LRRC8C: variants seen among roughly 807,000 people sequenced by gnomAD.
LRRC8C encodes volume-regulated anion channel subunit LRRC8C.
A neutral mutation model predicts 55.3 loss-of-function variants in LRRC8C; 20 were observed. The observed-to-expected ratio is 0.36, with a 90% confidence interval of 0.25 to 0.53. The LOEUF (loss-of-function observed/expected upper bound fraction) is 0.53. Among genes scored for constraint, LRRC8C ranks in the 20% least tolerant of loss-of-function variants. The probability of loss-of-function intolerance (pLI) is 0.92; values close to 1 mark genes in which losing one functional copy is unlikely to be tolerated. For missense variants in LRRC8C, 659 were observed against 951.4 expected, an observed-to-expected ratio of 0.69 and a Z score of 4.04; for synonymous variants, 376 against 360.7, an observed-to-expected ratio of 1.04 and a Z score of -0.48.
upstream of LRRC8C, among the ~76,000 whole-genome samples, chr1:89,629,475 C>G (rs190754782): frequency 6.6e-6 from 1 of 152,260 alleles, no homozygotes; most frequent in East Asian, 1.9e-4. Context: ...AAAGAACAAT[C>G]CCAGCATTGA....
At chr1:89,634,486 G>A (rs1167814782) in intron 1 of LRRC8C, among the ~76,000 whole-genome samples, 3 of 152,186 alleles carry the variant, frequency 2.0e-5, no homozygotes, top group African/African-American at 7.2e-5. Context: ...TTTCCCGACA[G>A]GTATGTGATG....
At chr1:89,662,078 C>T (rs1420375061) in intron 1 of LRRC8C, among the ~76,000 whole-genome samples, 1 of 152,132 alleles carries the variant, frequency 6.6e-6, no homozygotes, top group Non-Finnish European at 1.5e-5. Context: ...TTTTGGCCTC[C>T]CTGGGACACA....
rs1557661453 is a variant in LRRC8C at position 89,686,556 on chromosome 1, C to T, written c.83C>T (p.Thr28Ile). ...RVLKPWWDVF[T>I]DYLSVAMLMI... The stretch of plus-strand genomic sequence containing the variant: ...CTGAAGCCATGGTGGGATGTGTTTA[C>T]CGATTACCTCTCAGTAGCCATGCTC... The change falls in exon 2 of 3, where the codon ACC becomes ATC. Residue 28 changes from threonine (T) to isoleucine (I), a missense_variant. Thr to Ile is a moderately conservative substitution (Grantham distance 89). Around this residue, in one of 5 missense-constraint regions of LRRC8C, gnomAD observed 17 missense variants for 38.2 expected, o/e 0.44. Transcript: ENST00000370454. 1.2e-6 allele frequency: 2 copies of T among 1,614,054 alleles called. No individual in the cohort carries two copies. Among genetic ancestry groups the T allele is most frequent in the Non-Finnish European group, 1.7e-6 (2 of 1,180,034 alleles).
At chr1:89,617,716 A>G in the LRRC8C span, among the ~76,000 whole-genome samples, 1 of 152,188 alleles carries the variant, frequency 6.6e-6, no homozygotes, top group East Asian at 1.9e-4. Context: ...CATGAGTCTC[A>G]GGAGGTCCCA....
Position 89,714,340 on chromosome 1 carries a change from T to C in LRRC8C, c.1770T>C (p.Asn590=). The C allele has an allele frequency of 6.2e-7, 1 of 1,614,086 alleles. No individual in the cohort carries two copies. The highest frequency in any genetic ancestry group is 8.5e-7 in the Non-Finnish European group (1 of 1,180,014). Residue 590 remains asparagine (N), a synonymous_variant, in exon 3 of 3, where the codon AAT becomes AAC. Transcript: ENST00000370454. The surrounding 1 kb of genome is among the most constrained non-coding windows in gnomAD (Gnocchi z 4.6). The part of the protein sequence containing the change: ...VMLNNLKKMT[N]LTELELVHCD... ...TCAACAACTTAAAGAAGATGACCAA[T>C]CTGACAGAGCTGGAGCTGGTCCACT...
At chr1:89,673,276 C>G (rs1657470834) in intron 1 of LRRC8C, among the ~76,000 whole-genome samples, 1 of 152,140 alleles carries the variant, frequency 6.6e-6, no homozygotes, top group African/African-American at 2.4e-5. Flanking sequence ...TTTTAATCCT[C>G]CTGATGAAGT....
chr1:89,620,881 GT>G, the LRRC8C span, among the ~76,000 whole-genome samples: 1 of 152,146 alleles, frequency 6.6e-6, no homozygotes, highest in East Asian at 1.9e-4. Context: ...CTTCACAAAA[GT>G]TTTTCAGCAA....
chr1:89,622,719 C>T, the LRRC8C span, among the ~76,000 whole-genome samples: 1 of 152,180 alleles, frequency 6.6e-6, no homozygotes, highest in Non-Finnish European at 1.5e-5. Context: ...TCATTCAAAT[C>T]ACTGCAGCAA....
At chr1:89,653,378 A>G (rs1338468111) in intron 1 of LRRC8C, among the ~76,000 whole-genome samples, 1 of 152,240 alleles carries the variant, frequency 6.6e-6, no homozygotes, top group Non-Finnish European at 1.5e-5. Context: ...AAATGTCTTT[A>G]ATGTCTGGCA....
At position 89,718,070 on chromosome 1, in the gene LRRC8C, T is replaced by G. The variant is rs185067340; in HGVS notation, c.*3088T>G. ...CCAAAGAAGACCACACCTCAGAAAT[T>G]ATTGCATTTTCTCATTATGTGTTGG... On this transcript the variant is annotated 3_prime_UTR_variant, in exon 3 of 3. Coordinates refer to ENST00000370454, the MANE Select transcript of LRRC8C (RefSeq NM_032270.5). 1 of 152,302 alleles carries G rather than the reference T, an allele frequency of 6.6e-6. No homozygotes were observed. The highest frequency in any genetic ancestry group is 2.1e-4 in the South Asian group (1 of 4,830). The allele number at this position is 152,302 out of a possible 1,614,324, so 9.4% of individuals were successfully genotyped here. A position where few individuals can be genotyped will look rare whatever the true frequency, so the allele number is the denominator to read the frequency against.
chr1:89,692,880 T>C lies in LRRC8C; in HGVS notation c.138+6269T>C, dbSNP rs569505400. 4.6e-5 allele frequency among the ~76,000 whole-genome samples: 7 copies of C among 152,298 alleles called. No homozygotes were observed. The South Asian group carries it at 6.2e-4, about 14-fold the overall frequency. ...CACGTTGCTTCCTGGAAAAATAAGATTGCTTTAGATCTCTGCTCAGTGACT... is the reference window on the plus strand; with the variant it reads ...CACGTTGCTTCCTGGAAAAATAAGACTGCTTTAGATCTCTGCTCAGTGACT... On this transcript the variant is annotated intron_variant, in intron 2 of 2. Coordinates refer to ENST00000370454, the MANE Select transcript of LRRC8C (RefSeq NM_032270.5).
chr1:89,662,741 A>G (rs189292625), intron 1 of LRRC8C, among the ~76,000 whole-genome samples: 2 of 152,344 alleles, frequency 1.3e-5, no homozygotes, highest in African/African-American at 4.8e-5. Context: ...GCAAAAGGTT[A>G]ACTGTCTGAC....
chr1:89,678,135 G>A (rs954011756), intron 1 of LRRC8C, among the ~76,000 whole-genome samples: 1 of 152,206 alleles, frequency 6.6e-6, no homozygotes, highest in Admixed American at 6.5e-5. Context: ...TCCTGGCCCT[G>A]TGTGTGGGAT....
At chr1:89,689,182 G>A (rs1657961096) in intron 2 of LRRC8C, among the ~76,000 whole-genome samples, 1 of 152,206 alleles carries the variant, frequency 6.6e-6, no homozygotes, top group Non-Finnish European at 1.5e-5. Flanking sequence ...TTATAAGTCT[G>A]CATGTTAAGG....
At position 89,715,313 on chromosome 1, in the gene LRRC8C, G is replaced by A. The variant is rs1658786663; in HGVS notation, c.*331G>A. The A allele has an allele frequency of 5.9e-6, 1 of 170,096 alleles. No individual in the cohort carries two copies. The highest frequency in any genetic ancestry group is 1.2e-5 in the Non-Finnish European group (1 of 80,650). The allele number at this position is 170,096 out of a possible 1,614,324, so 10.5% of individuals were successfully genotyped here. A position where few individuals can be genotyped will look rare whatever the true frequency, so the allele number is the denominator to read the frequency against. ...TGCTTTTTGGCATTTTTTAAATAGAGGAAGATATTTTGCCAAGGCCATTTT... is the reference window on the plus strand; with the variant it reads ...TGCTTTTTGGCATTTTTTAAATAGAAGAAGATATTTTGCCAAGGCCATTTT... On this transcript the variant is annotated 3_prime_UTR_variant, in exon 3 of 3. Transcript: ENST00000370454.
At chr1:89,701,246 G>A (rs1297005703) in intron 2 of LRRC8C, among the ~76,000 whole-genome samples, 1 of 152,204 alleles carries the variant, frequency 6.6e-6, no homozygotes, top group East Asian at 1.9e-4. Flanking sequence ...GGAGGCCGAG[G>A]CAGGCGGATC....
At chr1:89,654,616 G>T (rs940334754) in intron 1 of LRRC8C, among the ~76,000 whole-genome samples, 1 of 150,082 alleles carries the variant, frequency 6.7e-6, no homozygotes, top group Non-Finnish European at 1.5e-5. Flanking sequence ...AAATTTGAAA[G>T]TTAGTTTGGT....
chr1:89,701,490 AAAAG>A (rs1414886042), intron 2 of LRRC8C, among the ~76,000 whole-genome samples: 3 of 151,928 alleles, frequency 2.0e-5, no homozygotes, highest in African/African-American at 4.8e-5. Context: ...CAAAAAAAAA[AAAAG>A]AAAGAAAGAA....
At chr1:89,698,546 ATAAC>A (rs2101320108) in intron 2 of LRRC8C, among the ~76,000 whole-genome samples, 1 of 152,306 alleles carries the variant, frequency 6.6e-6, no homozygotes, top group Admixed American at 6.5e-5. Flanking sequence ...CTCACGGTGC[ATAAC>A]TCAAGGAGTT....
Sources: allele counts gnomAD v4.1 joint callset (sites outside exome capture counted in the v4.1 genomes callset), GRCh38; gene constraint gnomAD v4.1.1; regional missense constraint gnomAD v4.1.1; non-coding constraint Gnocchi (gnomAD v3.1); transcripts MANE v1.5; gene names NCBI Gene and HGNC (gene_info 2026-07-23, HGNC 2026-07-21).